ZRANB3: variants seen among roughly 807,000 people sequenced by gnomAD.
ZRANB3 encodes the protein zinc finger RANBP2-type containing 3.
A neutral mutation model predicts 133.8 loss-of-function variants in ZRANB3; 125 were observed. The observed-to-expected ratio is 0.93, with a 90% CI of 0.81 to 1.08. The LOEUF is 1.08. Ranked by LOEUF, ZRANB3 falls within the 50% of genes least tolerant of loss-of-function variation. ZRANB3 has a pLI of 0.00. For missense variants in ZRANB3, 1,229 were observed against 1,275.5 expected (o/e 0.96, Z 0.56); for synonymous variants, 387 against 432.7 (o/e 0.89, Z 1.31).
At chr2:135,254,520 G>C (rs1679555381) in intron 12 of ZRANB3, among the ~76,000 whole-genome samples, 1 of 152,032 alleles carries the variant, frequency 6.6e-6, no homozygotes, top group African/African-American at 2.4e-5. Flanking sequence ...GGCTGAGGCG[G>C]GAGAATCACT....
At chr2:135,380,872 G>A (rs538136404) in intron 3 of ZRANB3, among the ~76,000 whole-genome samples, 38 of 152,114 alleles carry the variant, frequency 2.5e-4, no homozygotes, top group Non-Finnish European at 2.9e-4. Context: ...AGTTAAGGGC[G>A]GTTCCAAGAT....
chr2:135,335,920 A>G (rs1364743050), intron 6 of ZRANB3, among the ~76,000 whole-genome samples: 1 of 152,174 alleles, frequency 6.6e-6, no homozygotes, highest in Non-Finnish European at 1.5e-5. Flanking sequence ...CATAAAAGGA[A>G]GTGAGATAGA....
At position 135,241,365 on chromosome 2, in the gene ZRANB3, CTT is replaced by C. The variant is rs398060565; in HGVS notation, c.1540-10440_1540-10439del. ...TAAAAGTTCCTTGTTATTCTCTGTT[CTT>C]TTTTTTTTTTTTTTACCGTATTCTC... On this transcript the variant is annotated intron_variant, in intron 12 of 20. Transcript: ENST00000264159. Among the ~76,000 whole-genome samples the C allele has an allele frequency of 3.5e-3, 445 of 125,988 alleles. 3 individuals are homozygous for C. The highest frequency in any genetic ancestry group is 0.011 in the African/African-American group (394 of 35,082). 82.7% of individuals were successfully genotyped at this position (125,988 alleles called of 152,430 possible).
At chr2:135,339,610 C>T (rs910764702) in intron 6 of ZRANB3, among the ~76,000 whole-genome samples, 2 of 152,106 alleles carry the variant, frequency 1.3e-5, no homozygotes, top group South Asian at 4.1e-4. Context: ...ATGGTATAGC[C>T]ATAACATTCC....
chr2:135,464,419 C>G (rs1283539100), intron 2 of ZRANB3, among the ~76,000 whole-genome samples: 1 of 152,184 alleles, frequency 6.6e-6, no homozygotes, highest in Non-Finnish European at 1.5e-5. Flanking sequence ...GTTGCAAACT[C>G]ACAGTCTGGT....
rs552582105 is a variant in ZRANB3, at chr2:135,303,421, C to T, written c.966+10068G>A. Among the ~76,000 whole-genome samples, 4 of 152,172 alleles carry T rather than the reference C, an allele frequency of 2.6e-5. No homozygotes were observed. In the South Asian group the frequency reaches 8.3e-4, roughly 32 times the overall value. ...TGGTGTGAAATAATGTTCAAGACTTCTTTTTTTCCTTATGGATATCCAATT... is the reference window on the plus strand; with the variant it reads ...TGGTGTGAAATAATGTTCAAGACTTTTTTTTTTCCTTATGGATATCCAATT... On this transcript the variant is annotated intron_variant, in intron 8 of 20. Coordinates refer to ENST00000264159, the MANE Select transcript of ZRANB3 (RefSeq NM_032143.4).
At chr2:135,202,041 C>CA (rs1693649991) in intron 20 of ZRANB3, among the ~76,000 whole-genome samples, 1 of 152,022 alleles carries the variant, frequency 6.6e-6, no homozygotes, top group Non-Finnish European at 1.5e-5. Context: ...TGCTTGGTGG[C>CA]ATGATATATA....
At chr2:135,369,225 C>T (rs561061873) in intron 3 of ZRANB3, among the ~76,000 whole-genome samples, 21 of 150,804 alleles carry the variant, frequency 1.4e-4, no homozygotes, top group South Asian at 1.0e-3. Context: ...AAAACTGTTA[C>T]GGTAAAAAAA....
chr2:135,419,775 C>T (rs1485091319), intron 2 of ZRANB3, among the ~76,000 whole-genome samples: 1 of 151,070 alleles, frequency 6.6e-6, no homozygotes, highest in Non-Finnish European at 1.5e-5. Context: ...GGCAGTGTAC[C>T]CAGAATACCC....
intron 2 of ZRANB3, among the ~76,000 whole-genome samples, chr2:135,468,504 T>C (rs1691102338): frequency 6.6e-6 from 1 of 152,232 alleles, no homozygotes; most frequent in South Asian, 2.1e-4. Flanking sequence ...AATTTATGTA[T>C]GCTCTGCAGC....
chr2:135,204,763 T>C (rs1028392624), intron 19 of ZRANB3, among the ~76,000 whole-genome samples: 62 of 139,790 alleles, frequency 4.4e-4, no homozygotes, highest in African/African-American at 1.3e-3. Flanking sequence ...TATTTATATA[T>C]ATATTATATA....
intron 5 of ZRANB3, 59 bp downstream of exon 5, chr2:135,349,925 C>A (rs1685120938): frequency 1.3e-6 from 2 of 1,485,780 alleles, no homozygotes; most frequent in African/African-American, 1.4e-5. Context: ...GTGGTTGATT[C>A]AATACGCCTC....
intron 15 of ZRANB3, among the ~76,000 whole-genome samples, chr2:135,222,619 T>C (rs1027915639): frequency 1.3e-5 from 2 of 152,074 alleles, no homozygotes; most frequent in Admixed American, 6.6e-5. Context: ...CTCAACAAAC[T>C]GAACGCAGAG....
chr2:135,488,219 A>T (rs564068126), intron 2 of ZRANB3, among the ~76,000 whole-genome samples: 1 of 152,300 alleles, frequency 6.6e-6, no homozygotes, highest in African/African-American at 2.4e-5. Context: ...AATTGGTATC[A>T]TTCATGGTAC....
At chr2:135,412,748 T>C (rs150458561) in intron 2 of ZRANB3, among the ~76,000 whole-genome samples, 1,574 of 150,420 alleles carry the variant, frequency 0.01, 25 homozygotes, top group African/African-American at 0.036. Flanking sequence ...ATGCAGAGAC[T>C]ATTTCCTGTT....
At position 135,200,041 on chromosome 2, in the gene ZRANB3, T is replaced by C. The variant is rs1693556346; in HGVS notation, c.*301A>G. Reference sequence around the variant, plus strand: ...GAGTACATTTTTTAAACACAATCTATGCACAATACAGTGATTAGGCATATT... The same window carrying C: ...GAGTACATTTTTTAAACACAATCTACGCACAATACAGTGATTAGGCATATT... On this transcript the variant is annotated 3_prime_UTR_variant, in exon 21 of 21. Transcript: ENST00000264159. 1 of 412,334 alleles carries C rather than the reference T, an allele frequency of 2.4e-6. No individual in the cohort carries two copies. The highest frequency in any genetic ancestry group is 2.2e-5 in the South Asian group (1 of 45,258). The allele number at this position is 412,334 out of a possible 1,614,324, so 25.5% of individuals were successfully genotyped here.
chr2:135,245,881 G>A lies in ZRANB3; in HGVS notation c.1540-14954C>T, dbSNP rs570134987. 1.7e-4 allele frequency among the ~76,000 whole-genome samples: 19 copies of A among 111,074 alleles called. No individual in the cohort carries two copies. In the East Asian group the frequency reaches 6.3e-3, roughly 37 times the overall value. 72.9% of individuals were successfully genotyped at this position (111,074 alleles called of 152,430 possible). A position where few individuals can be genotyped will look rare whatever the true frequency, so the allele number is the denominator to read the frequency against. ...GCAGAGGTTATGGTGAGCCGAGATC[G>A]CGTCATTGCACTCCAGCCTGGGCAA... On this transcript the variant is annotated intron_variant, in intron 12 of 20. Transcript: ENST00000264159.
In ZRANB3 at chr2:135,230,533, T is replaced by TCA. The variant is rs1694954130; in HGVS notation, c.1932_1933dup (p.Glu645ValfsTer12). On this transcript the variant is annotated frameshift_variant, in exon 13 of 21. Transcript: ENST00000264159. LOFTEE classifies it high-confidence loss of function. Reference sequence around the variant, plus strand: ...CTCACCAGCACTGCCTTGAGGAGTCTCACACATTTCACAATAAGGTAACTC... The same window carrying TCA: ...CTCACCAGCACTGCCTTGAGGAGTCTCACACACATTTCACAATAAGGTAACTC... The TCA allele has an allele frequency of 6.5e-7, 1 of 1,547,846 alleles. No homozygotes were observed. The highest frequency in any genetic ancestry group is 2.3e-5 in the East Asian group (1 of 44,420).
chr2:135,476,935 G>C (rs1691525800), intron 2 of ZRANB3, among the ~76,000 whole-genome samples: 1 of 151,966 alleles, frequency 6.6e-6, no homozygotes, highest in African/African-American at 2.4e-5. Flanking sequence ...TGCCCAGACT[G>C]GTCTCAAATT....
Sources: gnomAD v4.1 joint callset for allele counts (sites outside exome capture counted in the v4.1 genomes callset) on GRCh38, gnomAD v4.1.1 for gene constraint, MANE v1.5 for transcripts, NCBI Gene and HGNC (gene_info 2026-07-23, HGNC 2026-07-21) for gene names.